Variants in GAB3 observed in about 807,000 individuals in gnomAD.
GAB3 encodes GRB2 associated binding protein 3.
In GAB3, 12 loss-of-function variants were observed where a neutral mutation model predicts 40.4. The observed-to-expected ratio is 0.30, with a 90% CI of 0.19 to 0.48. The LOEUF is 0.48. Ranked by LOEUF, GAB3 falls within the 20% of genes least tolerant of loss-of-function variation. GAB3 has a pLI of 0.99. For synonymous variants in GAB3, 154 were observed against 176.7 expected (o/e 0.87, Z 1.02); for missense variants, 381 against 461.9 (o/e 0.82, Z 1.61).
At chrX:154,687,459 G>A (rs1415436729) in intron 8 of GAB3, among the ~76,000 whole-genome samples, 9 of 108,998 alleles carry the variant, frequency 8.3e-5, no homozygotes, top group African/African-American at 3.0e-4. Flanking sequence ...GTGAAACCCC[G>A]TCTCTACTAA....
At chrX:154,713,745 A>ATATATATT (rs2070996423) in intron 2 of GAB3, among the ~76,000 whole-genome samples, 1 of 35,836 alleles carries the variant, frequency 2.8e-5, no homozygotes, top group Non-Finnish European at 5.0e-5. Flanking sequence ...TAACAAACAT[A>ATATATATT]TATATATATA....
rs1471646389 is a variant in GAB3 at position 154,675,517 on chromosome X, G to A, written c.*2661C>T. 1 of 111,967 alleles carries A rather than the reference G, an allele frequency of 8.9e-6. No homozygotes were observed. The highest frequency in any genetic ancestry group is 1.9e-5 in the Non-Finnish European group (1 of 53,179). The allele number at this position is 111,967 out of a possible 1,213,427, so 9.2% of individuals were successfully genotyped here. A position where few individuals can be genotyped will look rare whatever the true frequency, so the allele number is the denominator to read the frequency against. ...ACATCAAGGCTCTTCCCTCCCCAAG[G>A]AAAGCTTAACTCCCAGTGCTCCTGG... On this transcript the variant is annotated 3_prime_UTR_variant, in exon 10 of 10. Transcript: ENST00000424127.
At chrX:154,707,798 G>A (rs953159629) in intron 4 of GAB3, among the ~76,000 whole-genome samples, 2 of 111,746 alleles carry the variant, frequency 1.8e-5, no homozygotes, top group Non-Finnish European at 3.8e-5. Context: ...TATATGCAAA[G>A]AAAAGACAAA....
intron 1 of GAB3, among the ~76,000 whole-genome samples, chrX:154,750,406 A>C (rs972867710): frequency 8.9e-6 from 1 of 112,425 alleles, no homozygotes; most frequent in Non-Finnish European, 1.9e-5. Context: ...CATTAAGAAG[A>C]AGCTGAAAGG....
intron 8 of GAB3, among the ~76,000 whole-genome samples, chrX:154,695,542 A>C (rs2070643455): frequency 8.9e-6 from 1 of 112,003 alleles, no homozygotes; most frequent in African/African-American, 3.2e-5. Context: ...GGGACCATGT[A>C]ATATGTTGAG....
At chrX:154,717,147 G>A (rs1446921622) in intron 1 of GAB3, among the ~76,000 whole-genome samples, 1 of 111,449 alleles carries the variant, frequency 9.0e-6, no homozygotes. Context: ...TGGAAGGATC[G>A]GTAATGGATG....
chrX:154,689,383 C>T (rs1280875356), intron 8 of GAB3, among the ~76,000 whole-genome samples: 2 of 111,646 alleles, frequency 1.8e-5, no homozygotes, highest in Non-Finnish European at 3.8e-5. Context: ...TCTCACCACT[C>T]CTATTCAACA....
At chrX:154,746,108 A>G (rs190383135) in intron 1 of GAB3, among the ~76,000 whole-genome samples, 36 of 110,986 alleles carry the variant, frequency 3.2e-4, no homozygotes, top group African/African-American at 1.1e-3. Flanking sequence ...AGCCTTCCCA[A>G]AAAGAAAAGT....
chrX:154,723,093 T>C (rs1211343465), intron 1 of GAB3, among the ~76,000 whole-genome samples: 1 of 111,206 alleles, frequency 9.0e-6, no homozygotes, highest in Non-Finnish European at 1.9e-5. Context: ...TTGGTCAGGC[T>C]GGTCTCGAAC....
At chrX:154,744,304 C>G (rs1303145413) in intron 1 of GAB3, among the ~76,000 whole-genome samples, 2 of 102,987 alleles carry the variant, frequency 1.9e-5, no homozygotes, top group Admixed American at 2.1e-4. Flanking sequence ...AATATAGACA[C>G]AGAGAGGTTA....
intron 1 of GAB3, among the ~76,000 whole-genome samples, chrX:154,717,212 T>C (rs1181326245): frequency 9.0e-6 from 1 of 111,664 alleles, no homozygotes; most frequent in Non-Finnish European, 1.9e-5. Flanking sequence ...CAGAAACATC[T>C]GACTGTAAAG....
intron 9 of GAB3, chrX:154,679,050 G>C: frequency 3.3e-6 from 1 of 299,234 alleles, no homozygotes; most frequent in South Asian, 3.1e-5. Flanking sequence ...CCAGCTACTT[G>C]GGAGGCTGAG....
intron 8 of GAB3, 145 bp from the exon 9 acceptor site, chrX:154,680,393 T>C (rs2070357514): frequency 2.6e-6 from 1 of 388,291 alleles, no homozygotes; most frequent in Admixed American, 4.1e-5. Flanking sequence ...TCAGCCTGCA[T>C]ATCTGAGTGA....
chrX:154,688,543 G>C (rs1557248436), intron 8 of GAB3, among the ~76,000 whole-genome samples: 2 of 111,439 alleles, frequency 1.8e-5, no homozygotes, highest in Non-Finnish European at 3.8e-5. Flanking sequence ...GCCTCCCAAA[G>C]TGCTGGGACT....
chrX:154,741,942 C>T (rs1304832256), intron 1 of GAB3, among the ~76,000 whole-genome samples: 1 of 111,487 alleles, frequency 9.0e-6, no homozygotes, highest in Non-Finnish European at 1.9e-5. Context: ...ATTACCTCCA[C>T]TTGGTCCTGC....
At chrX:154,724,192 C>T (rs2071177603) in intron 1 of GAB3, among the ~76,000 whole-genome samples, 1 of 109,608 alleles carries the variant, frequency 9.1e-6, no homozygotes, top group Non-Finnish European at 1.9e-5. Context: ...ACTAAAAATA[C>T]AAAAATTAGC....
chrX:154,678,982 G>C lies in GAB3; in HGVS notation c.1648-688C>G, dbSNP rs1417986109. 6.0e-5 allele frequency: 15 copies of C among 251,349 alleles called. No homozygotes were observed. In the Middle Eastern group the frequency reaches 4.4e-3, roughly 74 times the overall value. 20.7% of individuals were successfully genotyped at this position (251,349 alleles called of 1,213,427 possible). On this transcript the variant is annotated intron_variant, in intron 9 of 9. Transcript: ENST00000424127. ...GGATCACTTGAGCCCAGGAGATCAA[G>C]ATCATTTTTTATTAAAAAATAAAAA...
intron 1 of GAB3, among the ~76,000 whole-genome samples, chrX:154,726,891 C>T (rs192392277): frequency 1.8e-5 from 2 of 111,619 alleles, no homozygotes; most frequent in African/African-American, 6.5e-5. Flanking sequence ...TCTCTCCATG[C>T]ACCACCCCTG....
chrX:154,687,696 C>T (rs1043047748), intron 8 of GAB3, among the ~76,000 whole-genome samples: 2 of 105,093 alleles, frequency 1.9e-5, no homozygotes, highest in African/African-American at 3.5e-5. Context: ...GAACATCTGA[C>T]TCTAATTATA....
Sources: gnomAD v4.1 joint callset for allele counts (sites outside exome capture counted in the v4.1 genomes callset) on GRCh38, gnomAD v4.1.1 for gene constraint, MANE v1.5 for transcripts, NCBI Gene and HGNC (gene_info 2026-07-23, HGNC 2026-07-21) for gene names.